PTPN14: variants seen among roughly 807,000 people sequenced by gnomAD.
PTPN14 encodes the protein tyrosine-protein phosphatase non-receptor type 14.
In PTPN14, 53 loss-of-function variants were observed where a neutral mutation model predicts 126.8. The ratio of observed to expected loss-of-function variants is 0.42; its 90% CI spans 0.34 to 0.53. The LOEUF (loss-of-function observed/expected upper bound fraction) is 0.53. Among genes scored for constraint, PTPN14 ranks in the 20% least tolerant of loss-of-function variants. PTPN14 has a pLI of 0.08. For missense variants in PTPN14, 1,257 were observed against 1,552.9 expected (o/e 0.81, Z 3.20); for synonymous variants, 630 against 599.3 (o/e 1.05, Z -0.75).
At chr1:214,518,997 A>G (rs1048058192) in intron 1 of PTPN14, among the ~76,000 whole-genome samples, 4 of 152,196 alleles carry the variant, frequency 2.6e-5, no homozygotes, top group African/African-American at 9.6e-5. Context: ...GGCCAGGCAC[A>G]GCAGCTCATG....
intron 17 of PTPN14, among the ~76,000 whole-genome samples, chr1:214,368,235 T>C (rs1033659342): frequency 2.0e-5 from 3 of 149,668 alleles, no homozygotes; most frequent in Admixed American, 1.3e-4. Flanking sequence ...TGAGATGGAG[T>C]TTTGCTCTTG....
intron 1 of PTPN14, among the ~76,000 whole-genome samples, chr1:214,489,227 G>T (rs1389031315): frequency 1.3e-5 from 2 of 152,184 alleles, no homozygotes; most frequent in African/African-American, 4.8e-5. Context: ...ACTGAGGTAA[G>T]TATATTACTT....
At chr1:214,478,323 T>C (rs1045161811) in intron 1 of PTPN14, among the ~76,000 whole-genome samples, 2 of 152,206 alleles carry the variant, frequency 1.3e-5, no homozygotes, top group Non-Finnish European at 2.9e-5. Context: ...ATATTAGCTC[T>C]GAACAATGCT....
At chr1:214,483,362 T>C (rs1661044423) in intron 1 of PTPN14, 7 of 1,611,786 alleles carry the variant, frequency 4.3e-6, no homozygotes, top group East Asian at 4.5e-5. Context: ...CCCGTGGTTG[T>C]TGAAGATTAG....
chr1:214,458,143 G>A (rs908138211), intron 2 of PTPN14, among the ~76,000 whole-genome samples: 8 of 152,156 alleles, frequency 5.3e-5, no homozygotes, highest in Non-Finnish European at 1.0e-4. Context: ...TCATTCTCCC[G>A]AGCTCAAGGG....
At chr1:214,494,951 A>G (rs1284452422) in intron 1 of PTPN14, among the ~76,000 whole-genome samples, 1 of 152,242 alleles carries the variant, frequency 6.6e-6, no homozygotes, top group Non-Finnish European at 1.5e-5. Flanking sequence ...CATGAAACTC[A>G]ACAGGTCTTA....
At chr1:214,398,711 G>A (rs1658946150) in intron 7 of PTPN14, among the ~76,000 whole-genome samples, 1 of 148,688 alleles carries the variant, frequency 6.7e-6, no homozygotes, top group South Asian at 2.1e-4. Context: ...GGGATTACAG[G>A]TGTGAGCCAC....
intron 18 of PTPN14, among the ~76,000 whole-genome samples, chr1:214,360,830 T>C (rs899478220): frequency 1.3e-5 from 2 of 152,220 alleles, no homozygotes; most frequent in Non-Finnish European, 2.9e-5. Context: ...CCAAATCTCA[T>C]GTTGACTGGA....
At chr1:214,482,196 C>G (rs1300893079) in intron 1 of PTPN14, among the ~76,000 whole-genome samples, 4 of 150,472 alleles carry the variant, frequency 2.7e-5, no homozygotes, top group Non-Finnish European at 5.9e-5. Context: ...ATAGCTCATT[C>G]CAGTAACAAC....
intron 9 of PTPN14, among the ~76,000 whole-genome samples, chr1:214,394,438 A>T (rs1658828936): frequency 6.6e-6 from 1 of 152,202 alleles, no homozygotes; most frequent in Non-Finnish European, 1.5e-5. Context: ...GATGGAGTCT[A>T]GCTCTGTTGT....
intron 1 of PTPN14, among the ~76,000 whole-genome samples, chr1:214,527,605 C>T (rs1571647954): frequency 6.6e-6 from 1 of 152,100 alleles, no homozygotes; most frequent in East Asian, 1.9e-4. Flanking sequence ...TTTCTATTAA[C>T]CAAAAACTTC....
intron 3 of PTPN14, among the ~76,000 whole-genome samples, chr1:214,424,363 C>G (rs35129129): frequency 7.3e-5 from 11 of 151,652 alleles, no homozygotes; most frequent in Non-Finnish European, 8.8e-5. Context: ...ACAGACATAA[C>G]AAACAAACAC....
Position 214,402,412 on chromosome 1 carries a change from C to T in PTPN14, c.581+471G>A, listed in dbSNP as rs1315334533. ...CCGAGATCGCACCACTGCACTCCAG[C>T]CTGGGTGACAGAGCGAGACTCTGTC... On this transcript the variant is annotated intron_variant, in intron 6 of 18. Transcript: ENST00000366956. 3.3e-5 allele frequency among the ~76,000 whole-genome samples: 4 copies of T among 122,328 alleles called. No individual in the cohort carries two copies. In the Admixed American group the frequency reaches 3.8e-4, roughly 12 times the overall value. The allele number at this position is 122,328 out of a possible 152,430, so 80.3% of individuals were successfully genotyped here. A position where few individuals can be genotyped will look rare whatever the true frequency, so the allele number is the denominator to read the frequency against.
rs200383990 is a variant in PTPN14, at chr1:214,411,769, T to C, written c.443-18A>G. 11 of 1,465,414 alleles carry C rather than the reference T, an allele frequency of 7.5e-6. No homozygotes were observed. In the African/African-American group the frequency reaches 1.4e-4, roughly 19 times the overall value. 90.8% of individuals were successfully genotyped at this position (1,465,414 alleles called of 1,614,324 possible). A position where few individuals can be genotyped will look rare whatever the true frequency, so the allele number is the denominator to read the frequency against. On this transcript the variant is annotated intron_variant, in intron 4 of 18. Coordinates refer to ENST00000366956, the MANE Select transcript of PTPN14 (RefSeq NM_005401.5). ...AAAATCAGCTGAGAAGAAAAGAAGA[T>C]GGAAGGGCAGTATTTATTATATGAA... is the stretch of plus-strand genomic sequence containing the variant.
At chr1:214,547,709 G>T (rs1357241930) in intron 1 of PTPN14, among the ~76,000 whole-genome samples, 4 of 152,038 alleles carry the variant, frequency 2.6e-5, no homozygotes, top group South Asian at 4.2e-4. Flanking sequence ...GAAATACAAG[G>T]ATCCTTATAT....
Position 214,404,710 on chromosome 1 carries a change from T to C in PTPN14, c.511-1757A>G, listed in dbSNP as rs1014868281. 9.8e-5 allele frequency among the ~76,000 whole-genome samples: 15 copies of C among 152,288 alleles called. 1 individual carries two copies. In the South Asian group the frequency reaches 1.2e-3, roughly 13 times the overall value. On this transcript the variant is annotated intron_variant, in intron 5 of 18. Transcript: ENST00000366956. Reference sequence around the variant, plus strand: ...GAGTGCGAGCATGGCCCTGTGGGAATGAAAAATGGCAGAATGCATGCCTGT... The same window carrying C: ...GAGTGCGAGCATGGCCCTGTGGGAACGAAAAATGGCAGAATGCATGCCTGT...
intron 7 of PTPN14, among the ~76,000 whole-genome samples, chr1:214,399,074 G>A (rs558835823): frequency 2.6e-5 from 4 of 152,302 alleles, no homozygotes; most frequent in South Asian, 4.1e-4. Flanking sequence ...GCCTAAAGGA[G>A]TAAATTTTAA....
chr1:214,510,672 T>C (rs898987764), intron 1 of PTPN14, among the ~76,000 whole-genome samples: 1 of 152,166 alleles, frequency 6.6e-6, no homozygotes, highest in African/African-American at 2.4e-5. Context: ...TCAGCTTCCA[T>C]AGAGAAGTGC....
At chr1:214,386,822 G>A (rs1408935350) in intron 12 of PTPN14, 22 bp downstream of exon 12, 2 of 1,553,774 alleles carry the variant, frequency 1.3e-6, no homozygotes, top group Non-Finnish European at 1.8e-6. Flanking sequence ...CTTAAGAAGG[G>A]AGAACGGCAA....
Sources: allele counts gnomAD v4.1 joint callset (sites outside exome capture counted in the v4.1 genomes callset), GRCh38; gene constraint gnomAD v4.1.1; transcripts MANE v1.5; gene names NCBI Gene and HGNC (gene_info 2026-07-23, HGNC 2026-07-21).